Variants in FRMPD2 observed in about 807,000 individuals in gnomAD.
FRMPD2 encodes FERM and PDZ domain-containing protein 2.
In FRMPD2, 96 loss-of-function variants were observed where a neutral mutation model predicts 140.1. The ratio of observed to expected loss-of-function variants is 0.69; its 90% CI spans 0.58 to 0.81. FRMPD2 has a LOEUF of 0.81. FRMPD2 is among the 40% of genes least tolerant of loss of function. The probability of loss-of-function intolerance (pLI) is 0.00; values close to 1 mark genes in which losing one functional copy is unlikely to be tolerated. For missense variants in FRMPD2, 1,240 were observed against 1,447.4 expected, an observed-to-expected ratio of 0.86 and a Z score of 2.32; for synonymous variants, 449 against 547.6, an observed-to-expected ratio of 0.82 and a Z score of 2.52.
chr10:48,244,184 C>T (rs914445112), intron 4 of FRMPD2, among the ~76,000 whole-genome samples: 1 of 152,128 alleles, frequency 6.6e-6, no homozygotes, highest in African/African-American at 2.4e-5. Flanking sequence ...AGGGTTTTGC[C>T]ATGTTGGCCA....
At chr10:48,187,689 C>A (rs899551507) in intron 16 of FRMPD2, among the ~76,000 whole-genome samples, 9 of 152,216 alleles carry the variant, frequency 5.9e-5, no homozygotes, top group African/African-American at 2.2e-4. Flanking sequence ...AACACCAGCA[C>A]TCTTAGTGGA....
chr10:48,198,561 C>T (rs920218044), intron 15 of FRMPD2, among the ~76,000 whole-genome samples: 1 of 152,028 alleles, frequency 6.6e-6, no homozygotes, highest in Non-Finnish European at 1.5e-5. Flanking sequence ...TATTCAGGCT[C>T]TTTTTAGGTC....
chr10:48,223,291 GT>G, intron 10 of FRMPD2, 21 bp from the exon 11 acceptor site: 1 of 1,604,874 alleles, frequency 6.2e-7, no homozygotes, highest in African/African-American at 1.3e-5. Flanking sequence ...AATAGAGCAT[GT>G]GTGGAAGGAG....
At chr10:48,198,368 G>A (rs937545603) in intron 15 of FRMPD2, among the ~76,000 whole-genome samples, 1 of 152,116 alleles carries the variant, frequency 6.6e-6, no homozygotes, top group East Asian at 1.9e-4. Context: ...GGCACATGTG[G>A]CCATTTAAAT....
In FRMPD2 at chr10:48,216,290, GGATAGATAGATAGATA is replaced by G. The variant is rs71788001; in HGVS notation, c.1456-4197_1456-4182del. Among the ~76,000 whole-genome samples, 8 of 149,676 alleles carry G rather than the reference GGATAGATAGATAGATA, an allele frequency of 5.3e-5. No homozygotes were observed. In the South Asian group the frequency reaches 6.5e-4, roughly 12 times the overall value. On this transcript the variant is annotated intron_variant, in intron 12 of 28. Transcript: ENST00000374201. ...GGCAGATGATAGATACATAGATGATGGATAGATAGATAGATAGATAGATAGATAGATAGATAGATGA... is the reference window on the plus strand; with the variant it reads ...GGCAGATGATAGATACATAGATGATGGATAGATAGATAGATAGATAGATGA...
In FRMPD2 at chr10:48,212,063, G is replaced by A. The variant is rs777616214; in HGVS notation, c.1502C>T (p.Ala501Val). The A allele has an allele frequency of 2.6e-5, 42 of 1,613,932 alleles. No homozygotes were observed. Among genetic ancestry groups the A allele is most frequent in the East Asian group, 6.7e-5 (3 of 44,874 alleles). ...PYFHVEDYIP[A>V]SLIERMTALR... Reference sequence around the variant, plus strand: ...AGCGGTCATCCTCTCGATCAGACTCGCTGGGATGTAATCTTCAACGTGAAA... The same window carrying A: ...AGCGGTCATCCTCTCGATCAGACTCACTGGGATGTAATCTTCAACGTGAAA... Residue 501 changes from alanine (A) to valine (V), a missense_variant, in exon 13 of 29, where the codon GCG becomes GTG. Physicochemically the swap from Ala to Val is moderately conservative, Grantham distance 64. Coordinates refer to ENST00000374201, the MANE Select transcript of FRMPD2 (RefSeq NM_001018071.4).
At chr10:48,189,762 C>T (rs1838785642) in intron 16 of FRMPD2, among the ~76,000 whole-genome samples, 1 of 152,214 alleles carries the variant, frequency 6.6e-6, no homozygotes, top group Non-Finnish European at 1.5e-5. Flanking sequence ...ATTCATCAGT[C>T]AAGACCTGAT....
rs1838661040 is a variant in FRMPD2 at position 48,185,547 on chromosome 10, T to C, written c.2359+6A>G. ...ACTGGGCCTCACCTACAGGGAGCCC[T>C]CTTACCAAAACCACGATGTGGGTCA... On this transcript the variant is annotated splice_donor_region_variant and intron_variant, in intron 18 of 28. Transcript: ENST00000374201. 6.2e-7 allele frequency: 1 copy of C among 1,611,870 alleles called. No homozygotes were observed. The highest frequency in any genetic ancestry group is 2.2e-5 in the East Asian group (1 of 44,862).
At chr10:48,194,415 C>T (rs946626094) in intron 15 of FRMPD2, among the ~76,000 whole-genome samples, 1 of 152,160 alleles carries the variant, frequency 6.6e-6, no homozygotes, top group African/African-American at 2.4e-5. Flanking sequence ...ACACACCCAG[C>T]CTTCTGTTTA....
chr10:48,211,826 G>T, intron 13 of FRMPD2, 128 bp downstream of exon 13: 2 of 789,138 alleles, frequency 2.5e-6, no homozygotes, highest in Non-Finnish European at 3.7e-6. Context: ...GCCTCCTAGA[G>T]TTCCACCCTT....
intron 1 of FRMPD2, among the ~76,000 whole-genome samples, chr10:48,263,883 A>G (rs933085454): frequency 3.3e-5 from 5 of 152,150 alleles, no homozygotes; most frequent in Admixed American, 1.3e-4. Flanking sequence ...ATGAACAAGG[A>G]TGCAAAACTC....
chr10:48,229,872 G>A (rs867972210), intron 10 of FRMPD2, among the ~76,000 whole-genome samples: 1 of 152,066 alleles, frequency 6.6e-6, no homozygotes, highest in African/African-American at 2.4e-5. Flanking sequence ...TTTCTTCAAG[G>A]AGGTTCACAG....
At position 48,192,709 on chromosome 10, in the gene FRMPD2, C is replaced by A; in HGVS notation, c.2140G>T (p.Ala714Ser). The change falls in exon 16 of 29, where the codon GCT (alanine) becomes TCT (serine). Residue 714 changes from alanine (A) to serine (S), a missense_variant. Ala to Ser is a moderately conservative substitution (Grantham distance 99). Around this residue, in one of 6 missense-constraint regions of FRMPD2, gnomAD observed 1,161 missense variants for 1,055.9 expected, o/e 1.10. Transcript: ENST00000374201. ...CTGCGCCCGATGCCTTCTGCTCCAG[C>A]CTCCTTGCTGCCGTCCACGTTGAAG... ...DNFNVDGSKE[A>S]GAEGIGRSPC... 1 of 1,614,162 alleles carries A rather than the reference C, an allele frequency of 6.2e-7. No individual in the cohort carries two copies. Among genetic ancestry groups the A allele is most frequent in the South Asian group, 1.1e-5 (1 of 91,074 alleles).
chr10:48,167,639 T>C (rs1388249747), intron 27 of FRMPD2, among the ~76,000 whole-genome samples: 2 of 136,116 alleles, frequency 1.5e-5, no homozygotes, highest in African/African-American at 2.8e-5. Flanking sequence ...ACATCTCTGC[T>C]GCAAAATCTG....
At chr10:48,158,100 G>A (rs1275836164) in intron 28 of FRMPD2, among the ~76,000 whole-genome samples, 7 of 150,900 alleles carry the variant, frequency 4.6e-5, no homozygotes, top group Non-Finnish European at 5.9e-5. Context: ...GTTTTGATTC[G>A]GAGCTCCAGC....
rs1839584082 is a variant in FRMPD2 at position 48,221,438 on chromosome 10, A to G, written c.1455+875T>C. Among the ~76,000 whole-genome samples, 3 of 152,164 alleles carry G rather than the reference A, an allele frequency of 2.0e-5. No homozygotes were observed. In the South Asian group the frequency reaches 6.2e-4, roughly 32 times the overall value. On this transcript the variant is annotated intron_variant, in intron 12 of 28. Coordinates refer to ENST00000374201, the MANE Select transcript of FRMPD2 (RefSeq NM_001018071.4). ...CAATGGACTTTGGGGACTTGGGGAA[A>G]GGGTTGGGAGGATGAGGGATAAAAG...
chr10:48,209,083 G>T (rs1490098825), intron 13 of FRMPD2, among the ~76,000 whole-genome samples: 2 of 152,138 alleles, frequency 1.3e-5, no homozygotes, highest in Admixed American at 1.3e-4. Flanking sequence ...CCAGCTCCTG[G>T]CAGTAAACGA....
chr10:48,234,340 T>C (rs1258403906), intron 9 of FRMPD2, among the ~76,000 whole-genome samples: 2 of 152,214 alleles, frequency 1.3e-5, no homozygotes, highest in African/African-American at 2.4e-5. Flanking sequence ...TGTTTTATAT[T>C]TTAGTTCCTG....
intron 16 of FRMPD2, among the ~76,000 whole-genome samples, chr10:48,187,995 C>T (rs1389637156): frequency 1.3e-5 from 2 of 152,178 alleles, no homozygotes; most frequent in Admixed American, 6.5e-5. Context: ...GTCAGTTCTG[C>T]ACAGAGATAA....
Sources: gnomAD v4.1 joint callset for allele counts (sites outside exome capture counted in the v4.1 genomes callset) on GRCh38, gnomAD v4.1.1 for gene constraint, gnomAD v4.1.1 regional missense constraint, MANE v1.5 for transcripts, NCBI Gene and HGNC (gene_info 2026-07-23, HGNC 2026-07-21) for gene names.